The following DPYS variants were observed in gnomAD, a reference collection of about 807,000 sequenced individuals.
DPYS encodes dihydropyrimidine amidohydrolase.
Under a neutral mutation model 50.3 loss-of-function variants are expected in DPYS, and 39 were observed. The ratio of observed to expected loss-of-function variants is 0.78; its 90% CI spans 0.60 to 1.01. The LOEUF is 1.01. Ranked by LOEUF, DPYS falls within the 50% of genes least tolerant of loss-of-function variation. DPYS has a pLI of 0.00. For synonymous variants in DPYS, 245 were observed against 250.7 expected, an observed-to-expected ratio of 0.98 and a Z score of 0.22; for missense variants, 659 against 680.9, an observed-to-expected ratio of 0.97 and a Z score of 0.36.
intron 7 of DPYS, among the ~76,000 whole-genome samples, chr8:104,401,079 G>C (rs909452709): frequency 3.3e-5 from 5 of 152,092 alleles, no homozygotes; most frequent in African/African-American, 1.2e-4. Context: ...TAGGTATTCT[G>C]TTATATTCTC....
At chr8:104,409,334 A>G (rs918327648) in intron 7 of DPYS, among the ~76,000 whole-genome samples, 2 of 151,778 alleles carry the variant, frequency 1.3e-5, no homozygotes, top group Non-Finnish European at 2.9e-5. Flanking sequence ...AGAGTACAAA[A>G]ATTAGCTGGG....
Position 104,381,249 on chromosome 8 carries a change from T to C in DPYS, c.1509A>G (p.Arg503=). 1 of 1,614,176 alleles carries C rather than the reference T, an allele frequency of 6.2e-7. No individual in the cohort carries two copies. Among genetic ancestry groups the C allele is most frequent in the Non-Finnish European group, 8.5e-7 (1 of 1,180,026 alleles). ...YKGEVATLKS[R]VTKEDATAGT... ...CTGCTGTGGCATCTTCTTTTGTCAC[T>C]CTGGATTTCAGTGTGGCGACTTCTC... is the stretch of plus-strand genomic sequence containing the variant. Residue 503 remains arginine, a synonymous_variant, in exon 9 of 10, where the codon AGA becomes AGG. Coordinates refer to ENST00000351513, the MANE Select transcript of DPYS (RefSeq NM_001385.3).
chr8:104,451,829 G>A (rs1437945744), intron 1 of DPYS, among the ~76,000 whole-genome samples: 1 of 152,130 alleles, frequency 6.6e-6, no homozygotes, highest in Non-Finnish European at 1.5e-5. Flanking sequence ...CAGAATCCTG[G>A]GAGACTTACA....
At chr8:104,455,680 G>A (rs528813130) in intron 1 of DPYS, among the ~76,000 whole-genome samples, 18 of 152,250 alleles carry the variant, frequency 1.2e-4, no homozygotes, top group African/African-American at 3.4e-4. Context: ...GAGACTGGCC[G>A]AAATGGCCAG....
chr8:104,439,335 T>G (rs1316172542), intron 4 of DPYS, among the ~76,000 whole-genome samples: 1 of 152,138 alleles, frequency 6.6e-6, no homozygotes, highest in Non-Finnish European at 1.5e-5. Context: ...CTGAGGGAGA[T>G]AGAAGATACT....
chr8:104,409,466 C>T (rs1359784120), intron 7 of DPYS, among the ~76,000 whole-genome samples: 1 of 151,426 alleles, frequency 6.6e-6, no homozygotes, highest in Non-Finnish European at 1.5e-5. Flanking sequence ...GCCTGGGTGA[C>T]AGAGAAATAA....
intron 7 of DPYS, among the ~76,000 whole-genome samples, chr8:104,421,723 T>C (rs554358584): frequency 1.3e-5 from 2 of 152,218 alleles, no homozygotes; most frequent in Non-Finnish European, 2.9e-5. Context: ...CTTTTTAGTT[T>C]GACCTTAAGT....
intron 4 of DPYS, among the ~76,000 whole-genome samples, chr8:104,437,824 C>T (rs940385955): frequency 6.6e-6 from 1 of 152,100 alleles, no homozygotes; most frequent in African/African-American, 2.4e-5. Context: ...CAGTAATAGT[C>T]TCAATGAAAT....
In DPYS at chr8:104,466,764, C is replaced by A. The variant is rs1047446167; in HGVS notation, c.157G>T (p.Asp53Tyr). The change falls in exon 1 of 10, where the codon GAC becomes TAC. Residue 53 changes from aspartate to tyrosine, a missense_variant. By Grantham distance (160) the Asp-to-Tyr change is radical. Coordinates refer to ENST00000351513, the MANE Select transcript of DPYS (RefSeq NM_001385.3). The stretch of plus-strand genomic sequence containing the variant: ...GGCAGGACGAGCTTGCCGGCGGCGT[C>A]GAGGACCCGCAGCCCCGCAGGAGCG... ...GGAPAGLRVL[D>Y]AAGKLVLPGG... 6.5e-6 allele frequency: 10 copies of A among 1,534,514 alleles called. No individual in the cohort carries two copies. In the Admixed American group the frequency reaches 1.2e-4, roughly 18 times the overall value.
intron 8 of DPYS, among the ~76,000 whole-genome samples, chr8:104,382,764 G>C (rs1811098489): frequency 1.3e-5 from 2 of 152,014 alleles, no homozygotes; most frequent in African/African-American, 4.8e-5. Flanking sequence ...TAGAGGGCTT[G>C]ACTTCTCTCT....
chr8:104,427,175 C>T lies in DPYS; in HGVS notation c.1092+805G>A, dbSNP rs564860547. On this transcript the variant is annotated intron_variant, in intron 6 of 9. Coordinates refer to ENST00000351513, the MANE Select transcript of DPYS (RefSeq NM_001385.3). ...AAGATTGCACCACTGCACTCCAGTCCGGGCAACAGAGTGAGACTCCGTCTC... is the reference window on the plus strand; with the variant it reads ...AAGATTGCACCACTGCACTCCAGTCTGGGCAACAGAGTGAGACTCCGTCTC... 8.2e-4 allele frequency among the ~76,000 whole-genome samples: 114 copies of T among 139,120 alleles called. 1 individual carries two copies. The highest frequency in any genetic ancestry group is 5.0e-3 in the East Asian group (23 of 4,630). 91.3% of individuals were successfully genotyped at this position (139,120 alleles called of 152,430 possible). A position where few individuals can be genotyped will look rare whatever the true frequency, so the allele number is the denominator to read the frequency against.
chr8:104,458,192 C>T (rs929471059), intron 1 of DPYS, among the ~76,000 whole-genome samples: 10 of 152,302 alleles, frequency 6.6e-5, no homozygotes, highest in African/African-American at 2.4e-4. Context: ...ATATGTCTGC[C>T]CAGCCATATC....
chr8:104,427,749 C>T (rs756291327), intron 6 of DPYS, among the ~76,000 whole-genome samples: 10 of 152,126 alleles, frequency 6.6e-5, no homozygotes, highest in African/African-American at 1.2e-4. Flanking sequence ...CAAAATAGTG[C>T]GATGCATCGT....
At chr8:104,416,626 G>A (rs1812378312) in intron 7 of DPYS, among the ~76,000 whole-genome samples, 1 of 151,890 alleles carries the variant, frequency 6.6e-6, no homozygotes, top group South Asian at 2.1e-4. Flanking sequence ...GTTATGAGCA[G>A]GAACACAGGC....
At chr8:104,441,185 A>G (rs1251198614) in intron 4 of DPYS, among the ~76,000 whole-genome samples, 1 of 152,222 alleles carries the variant, frequency 6.6e-6, no homozygotes. Flanking sequence ...CAAGTATTAT[A>G]CTGTCACAGT....
intron 4 of DPYS, among the ~76,000 whole-genome samples, chr8:104,436,914 A>G (rs1418671037): frequency 6.6e-6 from 1 of 152,128 alleles, no homozygotes; most frequent in South Asian, 2.1e-4. Context: ...AAAACATTAA[A>G]AAGAATACGG....
At chr8:104,409,427 G>A (rs534808514) in intron 7 of DPYS, among the ~76,000 whole-genome samples, 7 of 152,136 alleles carry the variant, frequency 4.6e-5, no homozygotes, top group South Asian at 2.1e-4. Flanking sequence ...AGAGATTGCA[G>A]TGAGCCAAGA....
intron 7 of DPYS, among the ~76,000 whole-genome samples, chr8:104,395,734 T>C (rs1424225648): frequency 6.6e-6 from 1 of 152,190 alleles, no homozygotes; most frequent in Non-Finnish European, 1.5e-5. Flanking sequence ...AGTTTTTTGA[T>C]GAATATGAAT....
At chr8:104,405,762 C>A (rs1811975585) in intron 7 of DPYS, among the ~76,000 whole-genome samples, 1 of 152,220 alleles carries the variant, frequency 6.6e-6, no homozygotes, top group Admixed American at 6.5e-5. Flanking sequence ...TGAAAAGCTG[C>A]AGAACTGCAG....
Sources: allele counts gnomAD v4.1 joint callset (sites outside exome capture counted in the v4.1 genomes callset), GRCh38; gene constraint gnomAD v4.1.1; transcripts MANE v1.5; gene names NCBI Gene and HGNC (gene_info 2026-07-23, HGNC 2026-07-21).